TNIK: variants seen among roughly 807,000 people sequenced by gnomAD.
TNIK encodes TRAF2 and NCK interacting kinase.
TNIK carries 49 observed loss-of-function variants against 191.3 expected under a neutral mutation model. The ratio of observed to expected loss-of-function variants is 0.26; its 90% confidence interval spans 0.20 to 0.32. TNIK has a LOEUF of 0.32. TNIK is among the 10% of genes least tolerant of loss of function. TNIK has a pLI of 1.00. For synonymous variants in TNIK, 594 were observed against 600.9 expected, an observed-to-expected ratio of 0.99 and a Z score of 0.17; for missense variants, 1,155 against 1,702.3, an observed-to-expected ratio of 0.68 and a Z score of 5.66.
At chr3:171,102,667 ATTCAGTGAGAGAC>A (rs1028253932) in intron 21 of TNIK, among the ~76,000 whole-genome samples, 2 of 152,184 alleles carry the variant, frequency 1.3e-5, no homozygotes, top group Non-Finnish European at 2.9e-5. Flanking sequence ...GAATCAGAGC[ATTCAGTGAGAGAC>A]AGGGGATTAG....
rs138676577 is a variant in TNIK, at chr3:171,316,489, C to G, written c.123+53131G>C. Among the ~76,000 whole-genome samples, 382 of 152,222 alleles carry G rather than the reference C, an allele frequency of 2.5e-3. 3 individuals are homozygous for G. The highest frequency in any genetic ancestry group is 3.4e-3 in the Middle Eastern group (1 of 294). ...AGGAGTAAAATTTATTCCCTGCTGA[C>G]CAAACAGTATGAGCAAAGGCCTGCA... On this transcript the variant is annotated intron_variant, in intron 2 of 32. Transcript: ENST00000436636.
chr3:171,121,176 A>G (rs1419943660), intron 18 of TNIK, among the ~76,000 whole-genome samples: 2 of 152,212 alleles, frequency 1.3e-5, no homozygotes, highest in Non-Finnish European at 1.5e-5. Context: ...GAAAGCTTGG[A>G]AGCACTGTAA....
intron 1 of TNIK, among the ~76,000 whole-genome samples, chr3:171,457,947 G>A (rs1437020256): frequency 1.3e-5 from 2 of 152,166 alleles, no homozygotes; most frequent in African/African-American, 2.4e-5. Flanking sequence ...GGCCCTCACC[G>A]GTTGCTCCCC....
Position 171,369,705 on chromosome 3 carries a change from C to A in TNIK, c.58-20G>T. On this transcript the variant is annotated intron_variant, in intron 1 of 32. Coordinates refer to ENST00000436636, the MANE Select transcript of TNIK (RefSeq NM_015028.4). Reference sequence around the variant, plus strand: ...GGGGTCCTGAAAGAAAATAAACAAACAATAAAAATTCAAAACAATATTCCA... The same window carrying A: ...GGGGTCCTGAAAGAAAATAAACAAAAAATAAAAATTCAAAACAATATTCCA... The A allele has an allele frequency of 1.9e-6, 3 of 1,543,008 alleles. No homozygotes were observed. The highest frequency in any genetic ancestry group is 1.2e-5 in the South Asian group (1 of 83,408).
chr3:171,334,141 C>T (rs904395735), intron 2 of TNIK, among the ~76,000 whole-genome samples: 2 of 152,178 alleles, frequency 1.3e-5, no homozygotes, highest in Non-Finnish European at 2.9e-5. Context: ...GCACCAGACA[C>T]CAGGGTGCTT....
intron 2 of TNIK, among the ~76,000 whole-genome samples, chr3:171,367,142 T>C (rs553237618): frequency 6.6e-6 from 1 of 152,378 alleles, no homozygotes; most frequent in East Asian, 1.9e-4. Flanking sequence ...GACCTCCTCC[T>C]AGAGCTATAA....
rs1717918292 is a variant in TNIK at position 171,062,433 on chromosome 3, T to G, written c.*1448A>C. On this transcript the variant is annotated 3_prime_UTR_variant, in exon 33 of 33. Coordinates refer to ENST00000436636, the MANE Select transcript of TNIK (RefSeq NM_015028.4). ...AAAACAGGAAGCGCAACACAGATAT[T>G]GTTTGCAACACCTCGATACCACAGG... is the stretch of plus-strand genomic sequence containing the variant. The G allele has an allele frequency of 6.6e-6, 1 of 152,002 alleles. No individual in the cohort carries two copies. The highest frequency in any genetic ancestry group is 1.5e-5 in the Non-Finnish European group (1 of 68,012). The allele number at this position is 152,002 out of a possible 1,614,324, so 9.4% of individuals were successfully genotyped here.
At position 171,126,047 on chromosome 3, in the gene TNIK, C is replaced by T. The variant is rs1728431417; in HGVS notation, c.1878G>A (p.Leu626=). The T allele has an allele frequency of 6.2e-7, 1 of 1,613,610 alleles. No homozygotes were observed. Among genetic ancestry groups the T allele is most frequent in the Non-Finnish European group, 8.5e-7 (1 of 1,179,782 alleles). ...TKGLSGFQEA[L]NVTSHRVEMP... is the part of the protein sequence containing the mutation. ...TCTCCACGCGGTGGGAGGTCACGTT[C>T]AGAGCCTCCTGAAACCCAGAGAGGC... Residue 626 remains leucine (L), a synonymous_variant, in exon 17 of 33, where the codon CTG becomes CTA. Transcript: ENST00000436636.
At chr3:171,191,201 A>G (rs1002165506) in intron 5 of TNIK, among the ~76,000 whole-genome samples, 4 of 152,176 alleles carry the variant, frequency 2.6e-5, no homozygotes, top group African/African-American at 9.7e-5. Flanking sequence ...TCCCTGCAGG[A>G]TATTTGAATT....
chr3:171,223,633 C>T (rs2108970426), intron 3 of TNIK, among the ~76,000 whole-genome samples: 1 of 152,282 alleles, frequency 6.6e-6, no homozygotes, highest in Middle Eastern at 3.4e-3. Context: ...CTGGCTTTCA[C>T]ATCCTAAAAT....
At chr3:171,139,436 GAGC>G in intron 14 of TNIK, 31 bp downstream of exon 14, 1 of 1,580,972 alleles carries the variant, frequency 6.3e-7, no homozygotes, top group African/African-American at 1.3e-5. Context: ...GATGAACACA[GAGC>G]AGGTCAGCTG....
In TNIK at chr3:171,108,170, A is replaced by G. The variant is rs199741418; in HGVS notation, c.2285-8T>C. 2.0e-4 allele frequency: 311 copies of G among 1,529,118 alleles called. 2 individuals carry two copies. In the African/African-American group the frequency reaches 3.8e-3, roughly 19 times the overall value. The allele number at this position is 1,529,118 out of a possible 1,614,324, so 94.7% of individuals were successfully genotyped here. A position where few individuals can be genotyped will look rare whatever the true frequency, so the allele number is the denominator to read the frequency against. ...CTTCTGACTTACTGTTGGCTAGAGG[A>G]AAAAAACAGAGGACCAAGAAAGAGA... On this transcript the variant is annotated splice_region_variant and splice_polypyrimidine_tract_variant and intron_variant, in intron 19 of 32. Coordinates refer to ENST00000436636, the MANE Select transcript of TNIK (RefSeq NM_015028.4).
At chr3:171,440,677 A>G (rs1726685694) in intron 1 of TNIK, among the ~76,000 whole-genome samples, 1 of 152,246 alleles carries the variant, frequency 6.6e-6, no homozygotes, top group Non-Finnish European at 1.5e-5. Flanking sequence ...TACACAAAAC[A>G]TAGCTTGCCT....
intron 9 of TNIK, 21 bp from the exon 10 acceptor site, chr3:171,167,291 A>G: frequency 6.2e-7 from 1 of 1,607,568 alleles, no homozygotes; most frequent in Non-Finnish European, 8.5e-7. Flanking sequence ...AAAGAAATGA[A>G]TCCACAGATA....
chr3:171,168,396 G>A (rs922543337), intron 9 of TNIK, among the ~76,000 whole-genome samples: 2 of 152,048 alleles, frequency 1.3e-5, no homozygotes, highest in African/African-American at 2.4e-5. Context: ...GCCTTTGCCC[G>A]GCAGTCCCTG....
intron 2 of TNIK, among the ~76,000 whole-genome samples, chr3:171,323,063 CTCATTCCTTTGTG>C (rs138070943): frequency 0.27 from 41,200 of 151,750 alleles, 5,611 homozygotes; most frequent in African/African-American, 0.34. Context: ...CACAGCCATT[CTCATTCCTTTGTG>C]TATTGTCTGT....
chr3:171,212,764 G>A (rs1218582534), intron 3 of TNIK, among the ~76,000 whole-genome samples: 2 of 152,142 alleles, frequency 1.3e-5, no homozygotes, highest in African/African-American at 2.4e-5. Context: ...TAACTACAAA[G>A]AGCCCAATGC....
rs188807842 is a variant in TNIK, at chr3:171,150,135, A to G, written c.1221+7325T>C. 6.4e-4 allele frequency among the ~76,000 whole-genome samples: 98 copies of G among 152,284 alleles called. 1 individual carries two copies. Among genetic ancestry groups the G allele is most frequent in the African/African-American group, 2.3e-3 (96 of 41,540 alleles). On this transcript the variant is annotated intron_variant, in intron 12 of 32. Coordinates refer to ENST00000436636, the MANE Select transcript of TNIK (RefSeq NM_015028.4). ...ACTTGCCTAGGCTTCATTCAGCTTC[A>G]AGGCCTCACCCTGGAAAGAGATGAC...
chr3:171,430,979 C>G (rs1285338856), intron 1 of TNIK, among the ~76,000 whole-genome samples: 1 of 152,012 alleles, frequency 6.6e-6, no homozygotes, highest in Admixed American at 6.6e-5. Context: ...AGAGCCACAC[C>G]AAGCTGAACC....
Sources: gnomAD v4.1 joint callset for allele counts (sites outside exome capture counted in the v4.1 genomes callset) on GRCh38, gnomAD v4.1.1 for gene constraint, MANE v1.5 for transcripts, NCBI Gene and HGNC (gene_info 2026-07-23, HGNC 2026-07-21) for gene names.